Variants in MTMR1 observed in about 807,000 individuals in gnomAD.
MTMR1 encodes phosphatidylinositol-3-phosphate phosphatase MTMR1.
In MTMR1, 17 loss-of-function variants were observed where a neutral mutation model predicts 51.6. The observed-to-expected ratio is 0.33, with a 90% CI of 0.23 to 0.49. The LOEUF (loss-of-function observed/expected upper bound fraction) is 0.49. MTMR1 is among the 20% of genes least tolerant of loss of function. MTMR1 has a pLI of 0.99. For missense variants in MTMR1, 386 were observed against 526.9 expected (o/e 0.73, Z 2.62); for synonymous variants, 201 against 205.6 (o/e 0.98, Z 0.19).
intron 4 of MTMR1, among the ~76,000 whole-genome samples, chrX:150,723,142 G>A (rs1157421777): frequency 9.1e-6 from 1 of 109,984 alleles, no homozygotes; most frequent in Non-Finnish European, 1.9e-5. Flanking sequence ...TGAGAATGAT[G>A]ATTTCCAATT....
intron 15 of MTMR1, among the ~76,000 whole-genome samples, chrX:150,759,190 T>C (rs1421812122): frequency 8.9e-6 from 1 of 112,625 alleles, no homozygotes; most frequent in Non-Finnish European, 1.9e-5. Context: ...AGTGGTCAAC[T>C]TGGGAACCAA....
chrX:150,739,698 A>G (rs1557417265), intron 12 of MTMR1, among the ~76,000 whole-genome samples: 5 of 112,450 alleles, frequency 4.4e-5, no homozygotes, highest in Non-Finnish European at 9.4e-5. Flanking sequence ...AGTGAAGCCA[A>G]TAGGACTATC....
At chrX:150,724,341 G>C (rs142743236) in intron 4 of MTMR1, among the ~76,000 whole-genome samples, 1 of 110,608 alleles carries the variant, frequency 9.0e-6, no homozygotes, top group Admixed American at 9.6e-5. Flanking sequence ...AATGTTCAGT[G>C]ATACTGAGCT....
At chrX:150,753,557 C>T (rs1557417659) in intron 14 of MTMR1, among the ~76,000 whole-genome samples, 2 of 112,495 alleles carry the variant, frequency 1.8e-5, no homozygotes, top group Non-Finnish European at 3.8e-5. Context: ...TGCATTTCCC[C>T]AACGACTAAT....
intron 6 of MTMR1, among the ~76,000 whole-genome samples, chrX:150,729,009 G>A (rs1465336638): frequency 1.8e-5 from 2 of 110,063 alleles, no homozygotes; most frequent in Admixed American, 1.9e-4. Flanking sequence ...TGACTTGATC[G>A]GTTCTGCAAT....
In MTMR1 at chrX:150,718,606, T is replaced by TCCAGGC; in HGVS notation, c.277-19_277-18insCCAGGC. The TCCAGGC allele has an allele frequency of 2.1e-6, 2 of 973,984 alleles. No individual in the cohort carries two copies. The highest frequency in any genetic ancestry group is 2.6e-6 in the Non-Finnish European group (2 of 772,007). 80.3% of individuals were successfully genotyped at this position (973,984 alleles called of 1,213,427 possible). ...GTCCTTTTTTTTTTTTTTTTTTTTT[T>TCCAGGC]TTTTTTTTTTTTTGCCAGGCTCTAA... On this transcript the variant is annotated intron_variant, in intron 3 of 15. Coordinates refer to ENST00000445323, the MANE Select transcript of MTMR1 (RefSeq NM_001306144.3).
In MTMR1 at chrX:150,763,636, G is replaced by GT. The variant is rs1299199035; in HGVS notation, c.*908dup. 1 of 112,463 alleles carries GT rather than the reference G, an allele frequency of 8.9e-6. No homozygotes were observed. Among genetic ancestry groups the GT allele is most frequent in the Non-Finnish European group, 1.9e-5 (1 of 53,400 alleles). The allele number at this position is 112,463 out of a possible 1,213,427, so 9.3% of individuals were successfully genotyped here. A position where few individuals can be genotyped will look rare whatever the true frequency, so the allele number is the denominator to read the frequency against. ...CAGCCAGCTGCTGGGATCAAAGCAA[G>GT]TCTGTTCTTATGTTATTTGCCTGTA... On this transcript the variant is annotated 3_prime_UTR_variant, in exon 16 of 16. Transcript: ENST00000445323.
At position 150,695,943 on chromosome X, in the gene MTMR1, G is replaced by A. The variant is rs1353828745; in HGVS notation, c.146+2267G>A. ...ATTCAGATGTGAGGGGGGAGTGCCG[G>A]GTGGACTCCAAGGCAAACCTCAGCT... On this transcript the variant is annotated intron_variant, in intron 1 of 15. Coordinates refer to ENST00000445323, the MANE Select transcript of MTMR1 (RefSeq NM_001306144.3). Among the ~76,000 whole-genome samples the A allele has an allele frequency of 2.7e-5, 3 of 111,718 alleles. No individual in the cohort carries two copies. The Admixed American group carries it at 2.8e-4, about 11-fold the overall frequency.
chrX:150,762,808 C>T lies in MTMR1; in HGVS notation c.*79C>T. ...CTGGCGATCACTGTTATGGCTGTAG[C>T]TTGTGATCTTGTCTTTTAGGATTAG... On this transcript the variant is annotated 3_prime_UTR_variant, in exon 16 of 16. Coordinates refer to ENST00000445323, the MANE Select transcript of MTMR1 (RefSeq NM_001306144.3). The T allele has an allele frequency of 9.8e-7, 1 of 1,021,828 alleles. No individual in the cohort carries two copies. The highest frequency in any genetic ancestry group is 3.5e-5 in the Admixed American group (1 of 28,953). The allele number at this position is 1,021,828 out of a possible 1,213,427, so 84.2% of individuals were successfully genotyped here.
chrX:150,735,276 G>A, intron 10 of MTMR1: 3 of 328,067 alleles, frequency 9.1e-6, no homozygotes, highest in Non-Finnish European at 1.6e-5. Flanking sequence ...GTTTGTGATA[G>A]CACCCTTAGG....
At chrX:150,733,252 G>A (rs1557417061) in intron 10 of MTMR1, among the ~76,000 whole-genome samples, 3 of 111,333 alleles carry the variant, frequency 2.7e-5, no homozygotes, top group East Asian at 2.8e-4. Flanking sequence ...AGTTTCTCTC[G>A]CTCTTCAGCC....
chrX:150,740,425 T>C (rs1383618901), intron 12 of MTMR1, among the ~76,000 whole-genome samples: 3 of 112,074 alleles, frequency 2.7e-5, no homozygotes, highest in Admixed American at 9.5e-5. Context: ...AACTTTCAGG[T>C]CTTCCCTCAT....
At position 150,732,715 on chromosome X, in the gene MTMR1, C is replaced by T. The variant is rs376624011; in HGVS notation, c.1065C>T (p.Val355=). 2.1e-5 allele frequency: 25 copies of T among 1,200,789 alleles called. No individual in the cohort carries two copies. The highest frequency in any genetic ancestry group is 7.0e-5 in the African/African-American group (4 of 57,017). Residue 355 remains valine, a synonymous_variant, in exon 10 of 16, where the codon GTC becomes GTT. Coordinates refer to ENST00000445323, the MANE Select transcript of MTMR1 (RefSeq NM_001306144.3). ...LIIFDARQNS[V]ADTNKTKGGG... is the part of the protein sequence containing the mutation. Reference sequence around the variant, plus strand: ...TCTTTGATGCTCGACAAAACAGTGTCGCTGATACCAACAAGGTATATTCTT... The same window carrying T: ...TCTTTGATGCTCGACAAAACAGTGTTGCTGATACCAACAAGGTATATTCTT...
intron 3 of MTMR1, chrX:150,714,495 A>C (rs1557416328): frequency 1.0e-6 from 1 of 982,804 alleles, no homozygotes; most frequent in Admixed American, 3.0e-5. Flanking sequence ...CAGGAAGAAC[A>C]CAATGGCTAC....
chrX:150,761,372 C>T (rs1017029094), intron 15 of MTMR1, among the ~76,000 whole-genome samples: 19 of 112,118 alleles, frequency 1.7e-4, no homozygotes, highest in South Asian at 3.7e-4. Context: ...TGCCCCCTTG[C>T]GGTCTCGCTC....
intron 2 of MTMR1, among the ~76,000 whole-genome samples, chrX:150,703,576 A>G (rs1471603657): frequency 8.9e-6 from 1 of 112,355 alleles, no homozygotes; most frequent in Non-Finnish European, 1.9e-5. Context: ...AAGTTTAATC[A>G]TTGGATGGGA....
In MTMR1 at chrX:150,693,622, C is replaced by T; in HGVS notation, c.92C>T (p.Ala31Val). The T allele has an allele frequency of 7.9e-6, 6 of 757,156 alleles. No homozygotes were observed. Among genetic ancestry groups the T allele is most frequent in the Non-Finnish European group, 9.3e-6 (6 of 641,955 alleles). The allele number at this position is 757,156 out of a possible 1,213,427, so 62.4% of individuals were successfully genotyped here. A position where few individuals can be genotyped will look rare whatever the true frequency, so the allele number is the denominator to read the frequency against. Reference sequence around the variant, plus strand: ...GCGGGCGGCAGGAGGCCTCCTCGGGCCGCGGGGGGCGCCACCGCCGGCTCC... The same window carrying T: ...GCGGGCGGCAGGAGGCCTCCTCGGGTCGCGGGGGGCGCCACCGCCGGCTCC... Reference protein sequence around the residue: ...GPAGGRRPPRAAGGATAGSRQ... With the variant: ...GPAGGRRPPRVAGGATAGSRQ... The change falls in exon 1 of 16, where the codon GCC (alanine) becomes GTC (valine). Residue 31 changes from alanine to valine, a missense_variant. Coordinates refer to ENST00000445323, the MANE Select transcript of MTMR1 (RefSeq NM_001306144.3).
At chrX:150,704,374 C>A (rs1395665107) in intron 2 of MTMR1, among the ~76,000 whole-genome samples, 1 of 111,952 alleles carries the variant, frequency 8.9e-6, no homozygotes, top group African/African-American at 3.3e-5. Flanking sequence ...CCCACCCCAC[C>A]AACAAAGCCA....
intron 2 of MTMR1, among the ~76,000 whole-genome samples, chrX:150,705,674 C>G (rs1557416049): frequency 9.0e-6 from 1 of 111,455 alleles, no homozygotes; most frequent in Admixed American, 9.5e-5. Context: ...GAGAAGTTGT[C>G]ACTAGCATAC....
Sources: allele counts gnomAD v4.1 joint callset (sites outside exome capture counted in the v4.1 genomes callset), GRCh38; gene constraint gnomAD v4.1.1; transcripts MANE v1.5; gene names NCBI Gene and HGNC (gene_info 2026-07-23, HGNC 2026-07-21).